GALNTL6: variants seen among roughly 807,000 people sequenced by gnomAD.
The protein encoded by GALNTL6 is polypeptide N-acetylgalactosaminyltransferase-like 6.
A neutral mutation model predicts 73.7 loss-of-function variants in GALNTL6; 46 were observed. The observed-to-expected ratio is 0.62, with a 90% CI of 0.49 to 0.80. GALNTL6 has a LOEUF of 0.80. Ranked by LOEUF, GALNTL6 falls within the 30% of genes least tolerant of loss-of-function variation. The pLI is 0.00. For missense variants in GALNTL6, 604 were observed against 755.0 expected (o/e 0.80, Z 2.34); for synonymous variants, 259 against 263.7 (o/e 0.98, Z 0.17).
At chr4:172,935,823 C>A (rs374966563) in intron 9 of GALNTL6, among the ~76,000 whole-genome samples, 1 of 152,136 alleles carries the variant, frequency 6.6e-6, no homozygotes, top group African/African-American at 2.4e-5. Flanking sequence ...CAGGACCAGA[C>A]GGATTCACAG....
intron 2 of GALNTL6, among the ~76,000 whole-genome samples, chr4:172,086,869 T>C (rs1227954696): frequency 1.3e-5 from 2 of 152,196 alleles, no homozygotes; most frequent in African/African-American, 4.8e-5. Flanking sequence ...GGGTATTTAT[T>C]TAACTAAAAA....
intron 2 of GALNTL6, among the ~76,000 whole-genome samples, chr4:171,921,163 T>G (rs1737775236): frequency 6.6e-6 from 1 of 152,116 alleles, no homozygotes; most frequent in Admixed American, 6.6e-5. Context: ...GACAACAATT[T>G]GTAATTAATA....
rs186120189 is a variant in GALNTL6, at chr4:172,642,217, C to T, written c.554-167144C>T. On this transcript the variant is annotated intron_variant, in intron 5 of 12. Transcript: ENST00000506823. ...AAACTATCATATGATCCAGCAATTG[C>T]AACACTGGGTATATATTCAAAGGAA... Among the ~76,000 whole-genome samples the T allele has an allele frequency of 6.0e-3, 915 of 151,972 alleles. 18 individuals carry two copies. Among genetic ancestry groups the T allele is most frequent in the South Asian group, 3.7e-3 (18 of 4,826 alleles).
chr4:172,048,440 A>G (rs568740556), intron 2 of GALNTL6, among the ~76,000 whole-genome samples: 1 of 152,294 alleles, frequency 6.6e-6, no homozygotes, highest in African/African-American at 2.4e-5. Flanking sequence ...AGCTATTTGA[A>G]TAAAATATCT....
intron 5 of GALNTL6, among the ~76,000 whole-genome samples, chr4:172,651,499 A>C (rs1175785676): frequency 6.6e-6 from 1 of 152,218 alleles, no homozygotes; most frequent in Non-Finnish European, 1.5e-5. Flanking sequence ...GCACTCAAAA[A>C]ATAATTGTTC....
chr4:172,993,097 T>A lies in GALNTL6; in HGVS notation c.1372-16081T>A, dbSNP rs114242699. Reference sequence around the variant, plus strand: ...AGTTCATCTCATGAACTGAATTGTGTCCCCCCAAAAATTCGTATGTTGAAG... The same window carrying A: ...AGTTCATCTCATGAACTGAATTGTGACCCCCCAAAAATTCGTATGTTGAAG... On this transcript the variant is annotated intron_variant, in intron 10 of 12. Transcript: ENST00000506823. 7.8e-3 allele frequency among the ~76,000 whole-genome samples: 1,191 copies of A among 152,282 alleles called. 12 individuals carry two copies. The highest frequency in any genetic ancestry group is 0.028 in the African/African-American group (1,150 of 41,558).
At chr4:173,023,289 T>C (rs577359013) in intron 12 of GALNTL6, among the ~76,000 whole-genome samples, 1 of 152,318 alleles carries the variant, frequency 6.6e-6, no homozygotes, top group South Asian at 2.1e-4. Flanking sequence ...GGTGGACTTG[T>C]TTGTATAAGT....
chr4:173,014,612 G>A (rs1290867432), intron 11 of GALNTL6, among the ~76,000 whole-genome samples: 1 of 152,138 alleles, frequency 6.6e-6, no homozygotes, highest in Non-Finnish European at 1.5e-5. Context: ...TCATTATCAA[G>A]ACAGAGCGAA....
chr4:172,278,614 AT>A (rs1236984329), intron 3 of GALNTL6, among the ~76,000 whole-genome samples: 2 of 152,040 alleles, frequency 1.3e-5, no homozygotes, highest in Non-Finnish European at 2.9e-5. Context: ...TGTTAGAGAA[AT>A]TTTCCAGTAA....
In GALNTL6 at chr4:172,747,888, G is replaced by A. The variant is rs528071309; in HGVS notation, c.554-61473G>A. On this transcript the variant is annotated intron_variant, in intron 5 of 12. Coordinates refer to ENST00000506823, the MANE Select transcript of GALNTL6 (RefSeq NM_001034845.3). ...TACATGTCATCATTTGTGACAACTA[G>A]ATGAACCCAGAAGACATTATGTTAA... 2.3e-4 allele frequency among the ~76,000 whole-genome samples: 33 copies of A among 146,466 alleles called. No homozygotes were observed. The South Asian group carries it at 6.4e-3, about 29-fold the overall frequency.
In GALNTL6 at chr4:172,519,624, A is replaced by G. The variant is rs76181036; in HGVS notation, c.553+170935A>G. Reference sequence around the variant, plus strand: ...ACACTTTGTATCTCTGTCTTGCTCTACATTTTACTTAATTGAAATAGGATA... The same window carrying G: ...ACACTTTGTATCTCTGTCTTGCTCTGCATTTTACTTAATTGAAATAGGATA... On this transcript the variant is annotated intron_variant, in intron 5 of 12. Coordinates refer to ENST00000506823, the MANE Select transcript of GALNTL6 (RefSeq NM_001034845.3). 8.4e-3 allele frequency among the ~76,000 whole-genome samples: 1,270 copies of G among 151,300 alleles called. 11 individuals carry two copies. The highest frequency in any genetic ancestry group is 0.029 in the African/African-American group (1,202 of 41,280).
intron 10 of GALNTL6, among the ~76,000 whole-genome samples, chr4:172,981,454 T>C (rs938108109): frequency 6.6e-6 from 1 of 152,242 alleles, no homozygotes; most frequent in Non-Finnish European, 1.5e-5. Flanking sequence ...ATTTCCCTAA[T>C]GACTAATGAT....
intron 2 of GALNTL6, among the ~76,000 whole-genome samples, chr4:172,013,457 A>G (rs1007838033): frequency 1.3e-5 from 2 of 151,274 alleles, no homozygotes; most frequent in Admixed American, 1.3e-4. Context: ...TATGTCCTCG[A>G]GTGTCATCCA....
chr4:172,219,578 T>C (rs1736607756), intron 2 of GALNTL6, among the ~76,000 whole-genome samples: 1 of 151,924 alleles, frequency 6.6e-6, no homozygotes. Context: ...AACACAATGA[T>C]CTATTGTCTC....
chr4:172,759,752 T>C (rs1737959779), intron 5 of GALNTL6, among the ~76,000 whole-genome samples: 1 of 150,604 alleles, frequency 6.6e-6, no homozygotes, highest in Non-Finnish European at 1.5e-5. Context: ...GAAGGAATAG[T>C]TTTTCCTCAT....
At chr4:171,937,804 G>A (rs76790859) in intron 2 of GALNTL6, among the ~76,000 whole-genome samples, 1,649 of 152,242 alleles carry the variant, frequency 0.011, 29 homozygotes, top group African/African-American at 0.038. Context: ...AGCAGGAAGA[G>A]CCCCAATTTT....
At chr4:172,710,932 T>C (rs761348375) in intron 5 of GALNTL6, among the ~76,000 whole-genome samples, 1 of 152,150 alleles carries the variant, frequency 6.6e-6, no homozygotes. Context: ...TGAGCTCCCA[T>C]TGTATGCCAG....
At chr4:172,209,271 TA>T (rs1218213543) in intron 2 of GALNTL6, among the ~76,000 whole-genome samples, 11 of 152,176 alleles carry the variant, frequency 7.2e-5, no homozygotes, top group African/African-American at 2.4e-4. Context: ...TTCTGGAAAT[TA>T]TCCATGACAA....
At chr4:171,967,545 T>TTTAATTATC (rs1739428186) in intron 2 of GALNTL6, among the ~76,000 whole-genome samples, 1 of 150,494 alleles carries the variant, frequency 6.6e-6, no homozygotes, top group African/African-American at 2.4e-5. Flanking sequence ...AAGGTTGTTC[T>TTTAATTATC]TTAATTATCA....
Sources: gnomAD v4.1 joint callset for allele counts (sites outside exome capture counted in the v4.1 genomes callset) on GRCh38, gnomAD v4.1.1 for gene constraint, MANE v1.5 for transcripts, NCBI Gene and HGNC (gene_info 2026-07-23, HGNC 2026-07-21) for gene names.